Variants in LPCAT1 observed in about 807,000 individuals in gnomAD.
The protein encoded by LPCAT1 is 1-acylglycerol-3-phosphate O-acyltransferase.
A neutral mutation model predicts 60.9 loss-of-function variants in LPCAT1; 23 were observed. The ratio of observed to expected loss-of-function variants is 0.38; its 90% CI spans 0.27 to 0.53. The LOEUF is 0.53. Among genes scored for constraint, LPCAT1 ranks in the 20% least tolerant of loss-of-function variants. The probability of loss-of-function intolerance (pLI) is 0.82; values close to 1 mark genes in which losing one functional copy is unlikely to be tolerated. For missense variants in LPCAT1, 622 were observed against 723.6 expected (o/e 0.86, Z 1.61); for synonymous variants, 340 against 301.1 (o/e 1.13, Z -1.34).
chr5:1,516,922 A>G (rs532950393), intron 1 of LPCAT1, among the ~76,000 whole-genome samples: 8 of 152,336 alleles, frequency 5.3e-5, no homozygotes, highest in African/African-American at 1.7e-4. Context: ...TAACACACCT[A>G]AGCTCATGCT....
At chr5:1,511,301 A>C (rs1261355213) in intron 1 of LPCAT1, among the ~76,000 whole-genome samples, 1 of 152,154 alleles carries the variant, frequency 6.6e-6, no homozygotes, top group Non-Finnish European at 1.5e-5. Flanking sequence ...TAGGTTCTGT[A>C]GCAGACGTGG....
rs1008505243 is a variant in LPCAT1 at position 1,486,453 on chromosome 5, G to A, written c.667+1938C>T. On this transcript the variant is annotated intron_variant, in intron 5 of 13. Transcript: ENST00000283415. ...CGGGAAGGTCTCCGGGGATGAAGGCGGGGAGTCAGCAGTGGTGCCCAAACG... is the reference window on the plus strand; with the variant it reads ...CGGGAAGGTCTCCGGGGATGAAGGCAGGGAGTCAGCAGTGGTGCCCAAACG... Among the ~76,000 whole-genome samples, 4 of 152,282 alleles carry A rather than the reference G, an allele frequency of 2.6e-5. 1 individual carries two copies. Among genetic ancestry groups the A allele is most frequent in the South Asian group, 4.1e-4 (2 of 4,820 alleles).
In LPCAT1 at chr5:1,466,628, T is replaced by C. The variant is rs571221845; in HGVS notation, c.1420+121A>G. ...GGTTTCTTTGTTACACAGGGCAGCCTGGTGAATGGAGGCATGGCGGGGACT... is the reference window on the plus strand; with the variant it reads ...GGTTTCTTTGTTACACAGGGCAGCCCGGTGAATGGAGGCATGGCGGGGACT... On this transcript the variant is annotated intron_variant, in intron 13 of 13. Coordinates refer to ENST00000283415, the MANE Select transcript of LPCAT1 (RefSeq NM_024830.5). 286 of 1,119,412 alleles carry C rather than the reference T, an allele frequency of 2.6e-4. 2 individuals are homozygous for C. The East Asian group carries it at 4.0e-3, about 16-fold the overall frequency. 69.3% of individuals were successfully genotyped at this position (1,119,412 alleles called of 1,614,324 possible). A position where few individuals can be genotyped will look rare whatever the true frequency, so the allele number is the denominator to read the frequency against.
intron 4 of LPCAT1, 111 bp downstream of exon 4, chr5:1,489,635 G>C: frequency 2.3e-6 from 2 of 851,892 alleles, no homozygotes; most frequent in Non-Finnish European, 4.1e-6. Flanking sequence ...TAGGAGAAGA[G>C]AATCAGAATC....
At position 1,483,327 on chromosome 5, in the gene LPCAT1, A is replaced by G. The variant is rs1350623154; in HGVS notation, c.726+101T>C. 3.2e-6 allele frequency: 4 copies of G among 1,233,820 alleles called. No individual in the cohort carries two copies. Among genetic ancestry groups the G allele is most frequent in the South Asian group, 2.4e-5 (2 of 82,930 alleles). 76.4% of individuals were successfully genotyped at this position (1,233,820 alleles called of 1,614,324 possible). ...CAAGTGTGGGCTGTGGCGCAGATAA[A>G]GGGTGTGGAGAGACAGAGACACAGG... On this transcript the variant is annotated intron_variant, in intron 6 of 13. Coordinates refer to ENST00000283415, the MANE Select transcript of LPCAT1 (RefSeq NM_024830.5). This position sits in a 1 kb window ranked among gnomAD's most constrained non-coding sequence, Gnocchi z 9.2.
In LPCAT1 at chr5:1,463,906, C is replaced by T. The variant is rs563321961; in HGVS notation, c.1421-71G>A. 4 of 1,542,992 alleles carry T rather than the reference C, an allele frequency of 2.6e-6. No individual in the cohort carries two copies. The South Asian group carries it at 4.8e-5, about 18-fold the overall frequency. Reference sequence around the variant, plus strand: ...ATGTCTAGGATTTGGAGGCTCTTTTCCCACGGCCCTGGTGGGTGTCCACCT... The same window carrying T: ...ATGTCTAGGATTTGGAGGCTCTTTTTCCACGGCCCTGGTGGGTGTCCACCT... On this transcript the variant is annotated intron_variant, in intron 13 of 13. Transcript: ENST00000283415.
chr5:1,484,205 C>T (rs1202143562), intron 5 of LPCAT1, among the ~76,000 whole-genome samples: 1 of 152,232 alleles, frequency 6.6e-6, no homozygotes, highest in Admixed American at 6.5e-5. Flanking sequence ...CCAGCGAGGC[C>T]CAGCTAGAGC....
chr5:1,505,148 G>A (rs1046327869), intron 1 of LPCAT1, among the ~76,000 whole-genome samples: 11 of 149,424 alleles, frequency 7.4e-5, no homozygotes, highest in African/African-American at 1.2e-4. Flanking sequence ...AAACAGCACC[G>A]ACTGCAACAC....
In LPCAT1 at chr5:1,522,411, G is replaced by A. The variant is rs1736704469; in HGVS notation, c.135+1299C>T. 6.6e-6 allele frequency among the ~76,000 whole-genome samples: 1 copy of A among 152,156 alleles called. No homozygotes were observed. The highest frequency in any genetic ancestry group is 2.4e-5 in the African/African-American group (1 of 41,422). The stretch of plus-strand genomic sequence containing the variant: ...CAGGCAGAGCGGCGGCAGAGGGGCC[G>A]GCACCGCCCCAGCCCCAGAGTCCAG... On this transcript the variant is annotated intron_variant, in intron 1 of 13. Transcript: ENST00000283415. The surrounding 1 kb of genome is among the most constrained non-coding windows in gnomAD (Gnocchi z 6.8).
chr5:1,465,126 A>C (rs539533709), intron 13 of LPCAT1, among the ~76,000 whole-genome samples: 2 of 148,488 alleles, frequency 1.3e-5, no homozygotes, highest in South Asian at 2.2e-4. Context: ...GCACACACAC[A>C]CAAAACAAGC....
intron 7 of LPCAT1, among the ~76,000 whole-genome samples, 153 bp from the exon 8 acceptor site, chr5:1,479,828 G>C (rs1050384621): frequency 3.3e-5 from 5 of 151,196 alleles, no homozygotes; most frequent in African/African-American, 1.2e-4. Context: ...TGCCCACCCA[G>C]CCCGAGCCCC....
intron 9 of LPCAT1, among the ~76,000 whole-genome samples, chr5:1,475,501 G>A (rs889044098): frequency 3.9e-5 from 6 of 152,342 alleles, no homozygotes; most frequent in African/African-American, 9.6e-5. Flanking sequence ...CACTGCACAC[G>A]TGCCATTCAA....
intron 2 of LPCAT1, among the ~76,000 whole-genome samples, chr5:1,499,368 A>T (rs60105094): frequency 0.08 from 12,163 of 152,216 alleles, 658 homozygotes; most frequent in African/African-American, 0.16. Flanking sequence ...ATTGCTGCCC[A>T]CAGCACCACA....
chr5:1,471,389 T>G (rs1032419989), intron 11 of LPCAT1, among the ~76,000 whole-genome samples: 8 of 152,212 alleles, frequency 5.3e-5, no homozygotes, highest in African/African-American at 1.9e-4. Flanking sequence ...GCGCTGACCA[T>G]TCTCAGTAAC....
chr5:1,494,405 G>A (rs1445392842), intron 3 of LPCAT1, among the ~76,000 whole-genome samples: 1 of 151,342 alleles, frequency 6.6e-6, no homozygotes, highest in African/African-American at 2.5e-5. Flanking sequence ...ATCACTCCCA[G>A]CAGCGTGGTG....
At position 1,486,282 on chromosome 5, in the gene LPCAT1, C is replaced by T. The variant is rs138774159; in HGVS notation, c.667+2109G>A. 1.5e-3 allele frequency among the ~76,000 whole-genome samples: 229 copies of T among 152,316 alleles called. 3 individuals carry two copies. Among genetic ancestry groups the T allele is most frequent in the African/African-American group, 5.1e-3 (214 of 41,574 alleles). ...AGCTCTATCACCCCCACCTCAGAGG[C>T]GGCACCCCTGGCCTGGGTCAGAACA... is the stretch of plus-strand genomic sequence containing the variant. On this transcript the variant is annotated intron_variant, in intron 5 of 13. Coordinates refer to ENST00000283415, the MANE Select transcript of LPCAT1 (RefSeq NM_024830.5).
At chr5:1,512,459 C>A (rs754510357) in intron 1 of LPCAT1, among the ~76,000 whole-genome samples, 34 of 152,366 alleles carry the variant, frequency 2.2e-4, no homozygotes, top group African/African-American at 7.0e-4. Flanking sequence ...GGGCCATAGA[C>A]CCCCAACATC....
rs1025923151 is a variant in LPCAT1, at chr5:1,502,859, A to G, written c.136-1256T>C. On this transcript the variant is annotated intron_variant, in intron 1 of 13. Transcript: ENST00000283415. This position sits in a 1 kb window ranked among gnomAD's most constrained non-coding sequence, Gnocchi z 5.5. The stretch of plus-strand genomic sequence containing the variant: ...AACGGAGACCAGCATAGCCCAAGAG[A>G]AACATGCCTGCCACATGTGTCATTT... 1.3e-5 allele frequency among the ~76,000 whole-genome samples: 2 copies of G among 152,134 alleles called. No homozygotes were observed. Among genetic ancestry groups the G allele is most frequent in the African/African-American group, 4.8e-5 (2 of 41,410 alleles).
chr5:1,508,579 A>G (rs1007881472), intron 1 of LPCAT1, among the ~76,000 whole-genome samples: 2 of 152,034 alleles, frequency 1.3e-5, no homozygotes, highest in African/African-American at 4.8e-5. Context: ...TCGGTCTCGG[A>G]CTCCAGCCTC....
Sources: gnomAD v4.1 joint callset for allele counts (sites outside exome capture counted in the v4.1 genomes callset) on GRCh38, gnomAD v4.1.1 for gene constraint, Gnocchi (gnomAD v3.1) non-coding constraint, MANE v1.5 for transcripts, NCBI Gene and HGNC (gene_info 2026-07-23, HGNC 2026-07-21) for gene names.